Variants in POU2F1 observed in about 807,000 individuals in gnomAD.
The protein encoded by POU2F1 is POU domain, class 2, transcription factor 1.
In POU2F1, 16 loss-of-function variants were observed where a neutral mutation model predicts 84.9. That is an observed-to-expected ratio of 0.19 (90% CI 0.13 to 0.29). The LOEUF is 0.29. POU2F1 is among the 10% of genes least tolerant of loss of function. POU2F1 has a pLI of 1.00. For missense variants in POU2F1, 738 were observed against 942.6 expected (o/e 0.78, Z 2.84); for synonymous variants, 368 against 368.3 (o/e 1.00, Z 0.01).
chr1:167,221,115 T>G (rs980023234), intron 1 of POU2F1, among the ~76,000 whole-genome samples, 157 bp downstream of exon 1: 4 of 149,628 alleles, frequency 2.7e-5, no homozygotes, highest in African/African-American at 9.9e-5. Flanking sequence ...CGCCGGGCGC[T>G]GAGCGGAGGG....
intron 1 of POU2F1, among the ~76,000 whole-genome samples, chr1:167,227,717 T>G (rs573265164): frequency 3.9e-5 from 6 of 152,334 alleles, no homozygotes; most frequent in Non-Finnish European, 7.4e-5. Flanking sequence ...CAAGGAAATA[T>G]GACTGCTGCG....
intron 7 of POU2F1, among the ~76,000 whole-genome samples, chr1:167,383,125 T>G (rs1343996422): frequency 6.6e-6 from 1 of 152,222 alleles, no homozygotes; most frequent in African/African-American, 2.4e-5. Flanking sequence ...TTGTATTTAG[T>G]ATTTTAGCAA....
At chr1:167,325,917 C>A (rs1304004256) in intron 1 of POU2F1, among the ~76,000 whole-genome samples, 2 of 150,970 alleles carry the variant, frequency 1.3e-5, no homozygotes, top group African/African-American at 2.4e-5. Context: ...GTAGTGTTAA[C>A]CGTGAATTCT....
At chr1:167,406,449 G>T (rs1468784409) in intron 13 of POU2F1, among the ~76,000 whole-genome samples, 1 of 152,178 alleles carries the variant, frequency 6.6e-6, no homozygotes, top group African/African-American at 2.4e-5. Context: ...TCCCCACTAA[G>T]ATTGAGAATT....
At chr1:167,249,037 C>T (rs529162402) in intron 1 of POU2F1, among the ~76,000 whole-genome samples, 7 of 152,082 alleles carry the variant, frequency 4.6e-5, no homozygotes, top group Admixed American at 6.6e-5. Flanking sequence ...TGGATTGCAC[C>T]GGAGATAAGT....
chr1:167,332,057 A>G (rs909364097), intron 1 of POU2F1, among the ~76,000 whole-genome samples: 2 of 152,112 alleles, frequency 1.3e-5, no homozygotes, highest in African/African-American at 4.8e-5. Flanking sequence ...TAATGAATGA[A>G]TATCATTGCA....
At chr1:167,372,846 G>A (rs1449512766) in intron 5 of POU2F1, among the ~76,000 whole-genome samples, 1 of 151,958 alleles carries the variant, frequency 6.6e-6, no homozygotes, top group Non-Finnish European at 1.5e-5. Flanking sequence ...ATCTTTGTGG[G>A]GGTTGGTTTA....
intron 5 of POU2F1, 42 bp from the exon 6 acceptor site, chr1:167,374,064 TTC>T (rs1660171801): frequency 1.3e-6 from 2 of 1,595,058 alleles, no homozygotes; most frequent in Non-Finnish European, 8.6e-7. Flanking sequence ...TTAGGAGACT[TTC>T]TCCTTCAACA....
intron 1 of POU2F1, among the ~76,000 whole-genome samples, chr1:167,317,481 G>A (rs1236831039): frequency 6.6e-6 from 1 of 152,214 alleles, no homozygotes; most frequent in African/African-American, 2.4e-5. Flanking sequence ...AGCCTTCAGA[G>A]CTGAGAGCCA....
chr1:167,321,151 G>A (rs986105339), intron 1 of POU2F1, among the ~76,000 whole-genome samples: 3 of 152,204 alleles, frequency 2.0e-5, no homozygotes, highest in Non-Finnish European at 4.4e-5. Flanking sequence ...AGTGGGGGCA[G>A]CACAAAGTAT....
chr1:167,398,852 C>A (rs1323719760), intron 11 of POU2F1, among the ~76,000 whole-genome samples: 1 of 152,068 alleles, frequency 6.6e-6, no homozygotes, highest in Non-Finnish European at 1.5e-5. Context: ...ACTGTGAGAT[C>A]CAAATTAGAT....
chr1:167,325,856 T>G (rs1373155576), intron 1 of POU2F1, among the ~76,000 whole-genome samples: 1 of 146,820 alleles, frequency 6.8e-6, no homozygotes, highest in East Asian at 2.0e-4. Flanking sequence ...GCCACTGCAC[T>G]CCAGCATGGG....
In POU2F1 at chr1:167,370,113, G is replaced by A. The variant is rs575722170; in HGVS notation, c.229-48G>A. The A allele has an allele frequency of 2.2e-5, 33 of 1,491,230 alleles. No individual in the cohort carries two copies. The South Asian group carries it at 3.9e-4, about 18-fold the overall frequency. 92.4% of individuals were successfully genotyped at this position (1,491,230 alleles called of 1,614,324 possible). A position where few individuals can be genotyped will look rare whatever the true frequency, so the allele number is the denominator to read the frequency against. On this transcript the variant is annotated intron_variant, in intron 3 of 15. Transcript: ENST00000367866. ...TTATTTAGTGATGACAACCCCTTGT[G>A]ATGAATGTCAACAGTATTAAACTAG...
At chr1:167,330,419 C>T (rs1490494146) in intron 1 of POU2F1, among the ~76,000 whole-genome samples, 2 of 152,076 alleles carry the variant, frequency 1.3e-5, no homozygotes, top group Non-Finnish European at 2.9e-5. Flanking sequence ...ACAGAAACAA[C>T]AAATTTATGT....
Position 167,427,318 on chromosome 1 carries a change from A to G in POU2F1, c.*11508A>G, listed in dbSNP as rs2101977042. Reference sequence around the variant, plus strand: ...TTCATTTCTGTTGTAAAACATCATTAAACCATCTTCCAAGTGTTTTCACAT... The same window carrying G: ...TTCATTTCTGTTGTAAAACATCATTGAACCATCTTCCAAGTGTTTTCACAT... On this transcript the variant is annotated 3_prime_UTR_variant, in exon 16 of 16. Coordinates refer to ENST00000367866, the MANE Select transcript of POU2F1 (RefSeq NM_002697.4). 1 of 152,270 alleles carries G rather than the reference A, an allele frequency of 6.6e-6. No individual in the cohort carries two copies. Among genetic ancestry groups the G allele is most frequent in the Admixed American group, 6.5e-5 (1 of 15,288 alleles). The allele number at this position is 152,270 out of a possible 1,614,324, so 9.4% of individuals were successfully genotyped here. A position where few individuals can be genotyped will look rare whatever the true frequency, so the allele number is the denominator to read the frequency against.
intron 1 of POU2F1, among the ~76,000 whole-genome samples, chr1:167,325,552 A>G (rs1330864153): frequency 6.6e-6 from 1 of 152,180 alleles, no homozygotes; most frequent in Non-Finnish European, 1.5e-5. Context: ...ATTTCTAATG[A>G]TACCTACACT....
chr1:167,265,361 C>T lies in POU2F1; in HGVS notation c.61+44403C>T, dbSNP rs554755436. On this transcript the variant is annotated intron_variant, in intron 1 of 15. Coordinates refer to ENST00000367866, the MANE Select transcript of POU2F1 (RefSeq NM_002697.4). Reference sequence around the variant, plus strand: ...GATAAGATAACTTAAGTTTTTGCCTCACAAGTTTAGCGTTTCTTCTATTAA... The same window carrying T: ...GATAAGATAACTTAAGTTTTTGCCTTACAAGTTTAGCGTTTCTTCTATTAA... Among the ~76,000 whole-genome samples, 15 of 152,282 alleles carry T rather than the reference C, an allele frequency of 9.9e-5. No homozygotes were observed. In the East Asian group the frequency reaches 2.7e-3, roughly 27 times the overall value.
intron 1 of POU2F1, among the ~76,000 whole-genome samples, chr1:167,230,026 T>C (rs1648940803): frequency 6.6e-6 from 1 of 152,202 alleles, no homozygotes; most frequent in Non-Finnish European, 1.5e-5. Flanking sequence ...AAATACAGCA[T>C]ATTATCAGAT....
chr1:167,369,876 A>G (rs1455595430), intron 3 of POU2F1, among the ~76,000 whole-genome samples: 1 of 152,232 alleles, frequency 6.6e-6, no homozygotes, highest in African/African-American at 2.4e-5. Context: ...AATGTTATGT[A>G]AGGAGCATTC....
Sources: allele counts gnomAD v4.1 joint callset (sites outside exome capture counted in the v4.1 genomes callset), GRCh38; gene constraint gnomAD v4.1.1; transcripts MANE v1.5; gene names NCBI Gene and HGNC (gene_info 2026-07-23, HGNC 2026-07-21).